Variants in UHRF2 observed in about 807,000 individuals in gnomAD.
UHRF2 encodes the protein E3 ubiquitin-protein ligase UHRF2.
In UHRF2, 23 loss-of-function variants were observed where a neutral mutation model predicts 96.8. The ratio of observed to expected loss-of-function variants is 0.24; its 90% CI spans 0.17 to 0.34. UHRF2 has a LOEUF of 0.34. Among genes scored for constraint, UHRF2 ranks in the 10% least tolerant of loss-of-function variants. The pLI is 1.00. For synonymous variants in UHRF2, 385 were observed against 332.6 expected (o/e 1.16, Z -1.72); for missense variants, 685 against 981.5 (o/e 0.70, Z 4.04).
intron 2 of UHRF2, among the ~76,000 whole-genome samples, chr9:6,428,533 CTTTTTTTTTTTTTTTTTTTT>C (rs1171172143): frequency 1.6e-3 from 106 of 65,422 alleles, no homozygotes; most frequent in Admixed American, 5.4e-3. Flanking sequence ...ATTGCTTTTG[CTTTTTTTTTTTTTTTTTTTT>C]TTTTTTTTTT....
At chr9:6,466,575 T>C (rs1158441762) in intron 4 of UHRF2, among the ~76,000 whole-genome samples, 1 of 139,186 alleles carries the variant, frequency 7.2e-6, no homozygotes, top group East Asian at 2.2e-4. Flanking sequence ...AAAAAAAAGC[T>C]ACAGATGCAT....
chr9:6,436,640 T>C (rs1228732159), intron 3 of UHRF2, among the ~76,000 whole-genome samples: 1 of 152,220 alleles, frequency 6.6e-6, no homozygotes, highest in Non-Finnish European at 1.5e-5. Context: ...CTAAGGCTTA[T>C]TAAATTTTAC....
chr9:6,432,625 C>G (rs368141356), intron 2 of UHRF2, among the ~76,000 whole-genome samples: 73 of 152,268 alleles, frequency 4.8e-4, no homozygotes, highest in African/African-American at 1.6e-3. Context: ...AAGTAAAGAA[C>G]CTTGCATAAT....
intron 7 of UHRF2, 91 bp from the exon 8 acceptor site, chr9:6,481,901 A>G: frequency 1.3e-6 from 2 of 1,541,682 alleles, no homozygotes; most frequent in Non-Finnish European, 8.8e-7. Flanking sequence ...AATTACATAA[A>G]CAGTTGGGTT....
chr9:6,500,500 TC>T, intron 13 of UHRF2, 51 bp from the exon 14 acceptor site: 1 of 1,512,738 alleles, frequency 6.6e-7, no homozygotes, highest in Non-Finnish European at 8.9e-7. Context: ...GTTTCATAGT[TC>T]TGCTTAGAAC....
intron 3 of UHRF2, among the ~76,000 whole-genome samples, chr9:6,449,908 A>C (rs1587811195): frequency 6.6e-6 from 1 of 151,886 alleles, no homozygotes; most frequent in Non-Finnish European, 1.5e-5. Flanking sequence ...CTAGGAGATG[A>C]CTCTTAGAGA....
intron 8 of UHRF2, among the ~76,000 whole-genome samples, chr9:6,485,116 A>G (rs983924861): frequency 2.0e-5 from 3 of 152,136 alleles, no homozygotes; most frequent in East Asian, 1.9e-4. Flanking sequence ...TCTGTGGAAG[A>G]TGAAACATTT....
chr9:6,415,644 A>G (rs1217397679), intron 1 of UHRF2: 1 of 152,196 alleles, frequency 6.6e-6, no homozygotes, highest in East Asian at 1.9e-4. Context: ...AAATGTCATA[A>G]ATTGTAGACA....
intron 12 of UHRF2, chr9:6,499,280 A>G (rs960067761): frequency 7.0e-6 from 1 of 143,056 alleles, no homozygotes; most frequent in African/African-American, 2.6e-5. Flanking sequence ...TAGCCATTGA[A>G]ACATAAGGAT....
At chr9:6,441,600 A>G (rs1821164841) in intron 3 of UHRF2, among the ~76,000 whole-genome samples, 1 of 152,168 alleles carries the variant, frequency 6.6e-6, no homozygotes, top group Non-Finnish European at 1.5e-5. Context: ...ACTGCTGCCA[A>G]ATAGCAGTAT....
chr9:6,453,896 C>G (rs912019329), intron 3 of UHRF2, among the ~76,000 whole-genome samples: 2 of 151,918 alleles, frequency 1.3e-5, no homozygotes, highest in African/African-American at 2.4e-5. Flanking sequence ...CAGAGTAAGA[C>G]TCCGTCTCAA....
At chr9:6,456,591 A>G (rs1393488418) in intron 3 of UHRF2, among the ~76,000 whole-genome samples, 4 of 151,948 alleles carry the variant, frequency 2.6e-5, no homozygotes, top group Non-Finnish European at 5.9e-5. Flanking sequence ...GGTGTTTTGG[A>G]CATGGAGTCT....
At chr9:6,497,459 A>C in intron 11 of UHRF2, 99 bp downstream of exon 11, 1 of 1,346,154 alleles carries the variant, frequency 7.4e-7, no homozygotes, top group Non-Finnish European at 1.0e-6. Context: ...AGGAAACAGT[A>C]GCCATCTTAT....
intron 1 of UHRF2, among the ~76,000 whole-genome samples, chr9:6,417,775 T>C (rs1819692922): frequency 6.6e-6 from 1 of 152,168 alleles, no homozygotes; most frequent in Non-Finnish European, 1.5e-5. Context: ...TTAGACATGG[T>C]GCTCTTACGA....
At chr9:6,460,015 A>G (rs1173717126) in intron 3 of UHRF2, among the ~76,000 whole-genome samples, 1 of 152,140 alleles carries the variant, frequency 6.6e-6, no homozygotes. Flanking sequence ...GTAGAGCAAG[A>G]GCTTATGTTT....
chr9:6,473,333 AT>A (rs1404009452), intron 4 of UHRF2, among the ~76,000 whole-genome samples: 1 of 152,210 alleles, frequency 6.6e-6, no homozygotes, highest in African/African-American at 2.4e-5. Context: ...TTAGAGAATG[AT>A]TTATTTTTAA....
At chr9:6,427,891 A>C (rs1820348556) in intron 2 of UHRF2, among the ~76,000 whole-genome samples, 1 of 152,210 alleles carries the variant, frequency 6.6e-6, no homozygotes, top group East Asian at 1.9e-4. Context: ...TTTAACATAA[A>C]TTGAATCACA....
At position 6,498,137 on chromosome 9, in the gene UHRF2, G is replaced by A. The variant is rs1448746667; in HGVS notation, c.1887G>A (p.Arg629=). 1 of 1,613,808 alleles carries A rather than the reference G, an allele frequency of 6.2e-7. No homozygotes were observed. The highest frequency in any genetic ancestry group is 1.7e-5 in the Admixed American group (1 of 59,966). ...PWTSEGIERS[R]RLCLRLQYPA... Reference sequence around the variant, plus strand: ...CCTCTGAAGGAATAGAACGGTCAAGGAGATTATGTCTACGTTTACAGGTTA... The same window carrying A: ...CCTCTGAAGGAATAGAACGGTCAAGAAGATTATGTCTACGTTTACAGGTTA... The change falls in exon 12 of 16, where the codon AGG becomes AGA. Residue 629 remains arginine, a synonymous_variant. Coordinates refer to ENST00000276893, the MANE Select transcript of UHRF2 (RefSeq NM_152896.3).
chr9:6,486,988 T>A (rs1378292755), intron 9 of UHRF2, 63 bp downstream of exon 9: 9 of 1,490,742 alleles, frequency 6.0e-6, no homozygotes, highest in African/African-American at 1.4e-5. Context: ...ATAGAATAGC[T>A]TTGCCTAGGA....
Sources: gnomAD v4.1 joint callset for allele counts (sites outside exome capture counted in the v4.1 genomes callset) on GRCh38, gnomAD v4.1.1 for gene constraint, MANE v1.5 for transcripts, NCBI Gene and HGNC (gene_info 2026-07-23, HGNC 2026-07-21) for gene names.